The following CSMD2 variants were observed in gnomAD, a reference collection of about 807,000 sequenced individuals.
CSMD2 encodes the protein CUB and Sushi multiple domains 2, also known as CUB and sushi domain-containing protein 2.
A neutral mutation model predicts 398.5 loss-of-function variants in CSMD2; 130 were observed. That is an observed-to-expected ratio of 0.33 (90% CI 0.28 to 0.38). CSMD2 has a LOEUF of 0.38. Ranked by LOEUF, CSMD2 falls within the 10% of genes least tolerant of loss-of-function variation. The pLI, the probability that CSMD2 is intolerant of heterozygous loss-of-function variation, is 1.00. For synonymous variants in CSMD2, 1,828 were observed against 1,908.5 expected, an observed-to-expected ratio of 0.96 and a Z score of 1.10; for missense variants, 3,829 against 4,764.9, an observed-to-expected ratio of 0.80 and a Z score of 5.78.
At chr1:33,994,892 C>T (rs1329776863) in intron 3 of CSMD2, among the ~76,000 whole-genome samples, 1 of 151,888 alleles carries the variant, frequency 6.6e-6, no homozygotes, top group Non-Finnish European at 1.5e-5. Flanking sequence ...AGTGAAACCC[C>T]ATCTCTACTA....
chr1:33,655,421 C>T (rs140701346), intron 27 of CSMD2, among the ~76,000 whole-genome samples: 4 of 152,200 alleles, frequency 2.6e-5, no homozygotes, highest in African/African-American at 9.6e-5. Context: ...TTTTTTAATC[C>T]TCAAAACAAT....
At chr1:33,643,765 C>A (rs890616189) in intron 29 of CSMD2, among the ~76,000 whole-genome samples, 10 of 152,102 alleles carry the variant, frequency 6.6e-5, no homozygotes, top group African/African-American at 1.9e-4. Flanking sequence ...GGGATCCTGG[C>A]ATAGGCAGAA....
At chr1:33,527,044 G>A in intron 65 of CSMD2, 152 bp downstream of exon 65, 1 of 739,586 alleles carries the variant, frequency 1.4e-6, no homozygotes, top group Non-Finnish European at 2.5e-6. Context: ...CCTGGGCTGG[G>A]GAGGTGGGTA....
rs764671239 is a variant in CSMD2, at chr1:33,724,496, C to T, written c.2884+20G>A. ...GGAGAGGAGTCTGCTACTTTAGCGC[C>T]CCCTCATGGTGTCCCTCACCTTCAC... On this transcript the variant is annotated intron_variant, in intron 18 of 70. Coordinates refer to ENST00000373381, the MANE Select transcript of CSMD2 (RefSeq NM_001281956.2). 6.2e-7 allele frequency: 1 copy of T among 1,607,338 alleles called. No homozygotes were observed. The highest frequency in any genetic ancestry group is 8.5e-7 in the Non-Finnish European group (1 of 1,176,012).
At chr1:33,831,305 C>T (rs924154936) in intron 6 of CSMD2, among the ~76,000 whole-genome samples, 5 of 152,174 alleles carry the variant, frequency 3.3e-5, no homozygotes, top group Non-Finnish European at 2.9e-5. Context: ...AGACTAACAG[C>T]GGATTTCTCG....
At chr1:33,969,936 C>T (rs1011818686) in intron 3 of CSMD2, among the ~76,000 whole-genome samples, 1 of 151,834 alleles carries the variant, frequency 6.6e-6, no homozygotes, top group African/African-American at 2.4e-5. Context: ...TGGAGAAACC[C>T]CACCTCTACT....
intron 2 of CSMD2, among the ~76,000 whole-genome samples, chr1:34,056,616 CA>C (rs1211474341): frequency 2.6e-5 from 4 of 152,196 alleles, no homozygotes; most frequent in Admixed American, 1.3e-4. Flanking sequence ...TGAGAGGTTT[CA>C]ATAACTTAAT....
intron 3 of CSMD2, among the ~76,000 whole-genome samples, chr1:33,984,782 AAAG>A (rs1443846300): frequency 2.0e-5 from 3 of 151,728 alleles, no homozygotes; most frequent in Non-Finnish European, 4.4e-5. Flanking sequence ...GACCCTGTCA[AAAG>A]AAAAAGGAAA....
At chr1:33,811,174 G>A (rs1356769617) in intron 9 of CSMD2, among the ~76,000 whole-genome samples, 1 of 152,090 alleles carries the variant, frequency 6.6e-6, no homozygotes, top group African/African-American at 2.4e-5. Flanking sequence ...TTGTCAAGAG[G>A]GTGTGGGCTA....
intron 9 of CSMD2, chr1:33,815,193 T>C (rs916476434): frequency 6.6e-6 from 1 of 152,146 alleles, no homozygotes; most frequent in African/African-American, 2.4e-5. Flanking sequence ...TATTCAACAC[T>C]TGGTTGAGTC....
intron 22 of CSMD2, among the ~76,000 whole-genome samples, chr1:33,705,268 C>T (rs1645738220): frequency 1.3e-5 from 2 of 152,146 alleles, no homozygotes; most frequent in Non-Finnish European, 2.9e-5. Context: ...TTGAAATTTA[C>T]TCTTTTAGTG....
chr1:33,707,423 G>A (rs1420409564), intron 22 of CSMD2, among the ~76,000 whole-genome samples: 1 of 152,200 alleles, frequency 6.6e-6, no homozygotes, highest in African/African-American at 2.4e-5. Context: ...CAAATGGATG[G>A]AGGGAAGTGA....
At chr1:34,031,765 CAAA>C (rs556094322) in intron 3 of CSMD2, among the ~76,000 whole-genome samples, 11,539 of 71,416 alleles carry the variant, frequency 0.16, 458 homozygotes, top group East Asian at 0.4. Context: ...AAGGCAAAGG[CAAA>C]AAAAAAAAAA....
chr1:33,889,594 C>T (rs1273010564), intron 5 of CSMD2, among the ~76,000 whole-genome samples: 1 of 151,840 alleles, frequency 6.6e-6, no homozygotes, highest in Admixed American at 6.5e-5. Context: ...TTAACTATAA[C>T]ATTATTTGAA....
At chr1:33,764,865 GT>G (rs1190538039) in intron 13 of CSMD2, among the ~76,000 whole-genome samples, 1 of 152,206 alleles carries the variant, frequency 6.6e-6, no homozygotes, top group East Asian at 1.9e-4. Context: ...GGGATTGTAT[GT>G]TTACAGGGAA....
chr1:33,558,468 T>A (rs188175726), intron 54 of CSMD2, among the ~76,000 whole-genome samples: 60 of 152,338 alleles, frequency 3.9e-4, no homozygotes, highest in Admixed American at 1.7e-3. Context: ...AAAATCAGGA[T>A]AAGATTTTAG....
intron 18 of CSMD2, 73 bp from the exon 19 acceptor site, chr1:33,724,386 C>T (rs766925925): frequency 2.6e-5 from 39 of 1,490,770 alleles, no homozygotes; most frequent in Non-Finnish European, 3.4e-5. Flanking sequence ...CTCCTGGGAC[C>T]CCATCCCCCA....
At chr1:33,659,309 T>G (rs932294976) in intron 26 of CSMD2, among the ~76,000 whole-genome samples, 1 of 151,982 alleles carries the variant, frequency 6.6e-6, no homozygotes, top group Non-Finnish European at 1.5e-5. Context: ...GGTGCAAGAG[T>G]TAGTCCAGAG....
chr1:33,689,513 A>AG (rs959025458), intron 25 of CSMD2, among the ~76,000 whole-genome samples: 24 of 152,128 alleles, frequency 1.6e-4, no homozygotes, highest in African/African-American at 5.8e-4. Context: ...AGGGCTAGAA[A>AG]GGCGCCTCCT....
Sources: gnomAD v4.1 joint callset for allele counts (sites outside exome capture counted in the v4.1 genomes callset) on GRCh38, gnomAD v4.1.1 for gene constraint, MANE v1.5 for transcripts, NCBI Gene and HGNC (gene_info 2026-07-23, HGNC 2026-07-21) for gene names.